SLC13A4: variants seen among roughly 807,000 people sequenced by gnomAD.
SLC13A4 encodes the protein solute carrier family 13 member 4, also known as Na(+)/sulfate cotransporter SUT-1.
SLC13A4 carries 28 observed loss-of-function variants against 72.7 expected under a neutral mutation model. The ratio of observed to expected loss-of-function variants is 0.39; its 90% CI spans 0.29 to 0.53. The LOEUF (loss-of-function observed/expected upper bound fraction) is 0.53, where lower values mean the gene tolerates loss of function less well. Among genes scored for constraint, SLC13A4 ranks in the 20% least tolerant of loss-of-function variants. SLC13A4 has a pLI of 0.78. For synonymous variants in SLC13A4, 312 were observed against 325.5 expected (o/e 0.96, Z 0.45); for missense variants, 653 against 788.0 (o/e 0.83, Z 2.05).
rs1178113649 is a variant in SLC13A4, at chr7:135,727,488, C to T, written c.9G>A (p.Leu3=). The change falls in exon 1 of 16, where the codon CTG becomes CTA. Residue 3 remains leucine, a synonymous_variant. Transcript: ENST00000682651. ...TCCGGACTCGGAGCAGGCCCTGCAGCAGGCCCATCGCGCCTCTGTCCTCTC... is the reference window on the plus strand; with the variant it reads ...TCCGGACTCGGAGCAGGCCCTGCAGTAGGCCCATCGCGCCTCTGTCCTCTC... MG[L]LQGLLRVRKL... The T allele has an allele frequency of 6.4e-7, 1 of 1,550,456 alleles. No individual in the cohort carries two copies. The highest frequency in any genetic ancestry group is 2.0e-5 in the Admixed American group (1 of 50,998).
chr7:135,718,218 T>C (rs547775495), intron 2 of SLC13A4, among the ~76,000 whole-genome samples: 2 of 151,966 alleles, frequency 1.3e-5, no homozygotes, highest in African/African-American at 4.8e-5. Context: ...TGACATTTTG[T>C]TTATTTTTGT....
chr7:135,718,446 T>G (rs1796478097), intron 2 of SLC13A4, among the ~76,000 whole-genome samples: 1 of 151,872 alleles, frequency 6.6e-6, no homozygotes, highest in African/African-American at 2.4e-5. Flanking sequence ...TGAGGGCTGA[T>G]GCAAACATGG....
intron 2 of SLC13A4, among the ~76,000 whole-genome samples, chr7:135,715,534 A>AGTGT (rs57337353): frequency 7.9e-5 from 12 of 151,650 alleles, no homozygotes; most frequent in African/African-American, 2.2e-4. Context: ...AGTGTGTGCC[A>AGTGT]GTGTGTGTGC....
chr7:135,687,863 T>C (rs1206820472), intron 13 of SLC13A4, among the ~76,000 whole-genome samples: 1 of 152,110 alleles, frequency 6.6e-6, no homozygotes, highest in Admixed American at 6.5e-5. Flanking sequence ...CAAGCTGGAG[T>C]GCAGTGGCAC....
intron 13 of SLC13A4, among the ~76,000 whole-genome samples, chr7:135,686,393 A>G (rs1315137538): frequency 6.6e-6 from 1 of 152,016 alleles, no homozygotes; most frequent in African/African-American, 2.4e-5. Context: ...AATTAAGAGG[A>G]GGGTCTTGCT....
rs138026320 is a variant in SLC13A4 at position 135,683,815 on chromosome 7, C to T, written c.1746+309G>A. ...TGTCTCCACTGGCCTAATGAAGAAA[C>T]GAAGGCAAAACTTGTTTGCACAGGC... On this transcript the variant is annotated intron_variant, in intron 15 of 15. Transcript: ENST00000682651. 1,266 of 983,612 alleles carry T rather than the reference C, an allele frequency of 1.3e-3. 2 individuals are homozygous for T. Among genetic ancestry groups the T allele is most frequent in the Admixed American group, 3.8e-3 (62 of 16,288 alleles). The allele number at this position is 983,612 out of a possible 1,614,324, so 60.9% of individuals were successfully genotyped here.
chr7:135,698,519 G>A (rs1795956874), intron 8 of SLC13A4, among the ~76,000 whole-genome samples: 2 of 148,742 alleles, frequency 1.3e-5, no homozygotes, highest in South Asian at 4.3e-4. Context: ...ATTTTTAGTA[G>A]AGATGGGGTT....
chr7:135,705,225 G>C (rs1247773494), intron 5 of SLC13A4: 2 of 184,404 alleles, frequency 1.1e-5, no homozygotes, highest in East Asian at 2.7e-4. Flanking sequence ...CAGTGGCATC[G>C]AGATGTGAAC....
chr7:135,725,977 A>G (rs569005867), intron 1 of SLC13A4, among the ~76,000 whole-genome samples: 10 of 152,210 alleles, frequency 6.6e-5, no homozygotes, highest in African/African-American at 2.2e-4. Flanking sequence ...TCTACAAAAA[A>G]AAGTTTGATG....
intron 13 of SLC13A4, among the ~76,000 whole-genome samples, chr7:135,689,341 G>A (rs1194732985): frequency 6.6e-6 from 1 of 152,194 alleles, no homozygotes; most frequent in Admixed American, 6.5e-5. Flanking sequence ...GTCCAGTAAT[G>A]ATGAACAGTT....
At chr7:135,687,067 A>G (rs1300606559) in intron 13 of SLC13A4, among the ~76,000 whole-genome samples, 1 of 152,174 alleles carries the variant, frequency 6.6e-6, no homozygotes, top group Non-Finnish European at 1.5e-5. Context: ...AAAAAAATAA[A>G]AAATAAATGA....
chr7:135,692,167 C>T, intron 11 of SLC13A4, 156 bp downstream of exon 11: 1 of 659,046 alleles, frequency 1.5e-6, no homozygotes, highest in South Asian at 1.8e-5. Flanking sequence ...GAGTGTTTTT[C>T]CTTCCTGATT....
chr7:135,696,080 G>C (rs961306235), intron 8 of SLC13A4, among the ~76,000 whole-genome samples: 1 of 152,224 alleles, frequency 6.6e-6, no homozygotes, highest in Non-Finnish European at 1.5e-5. Context: ...CCCAAGTGCT[G>C]TTTCCTGGGG....
At chr7:135,697,909 A>G (rs1795939556) in intron 8 of SLC13A4, among the ~76,000 whole-genome samples, 1 of 151,984 alleles carries the variant, frequency 6.6e-6, no homozygotes, top group Non-Finnish European at 1.5e-5. Context: ...TCAGGGAGGC[A>G]TTTCCTCCCT....
At chr7:135,708,334 A>C in intron 2 of SLC13A4, 84 bp from the exon 3 acceptor site, 1 of 1,557,854 alleles carries the variant, frequency 6.4e-7, no homozygotes, top group Non-Finnish European at 8.7e-7. Context: ...GGCCATACCC[A>C]ATAAAACCTG....
chr7:135,707,106 T>G (rs1265583484), intron 3 of SLC13A4, among the ~76,000 whole-genome samples: 1 of 152,250 alleles, frequency 6.6e-6, no homozygotes, highest in Non-Finnish European at 1.5e-5. Flanking sequence ...TGACAGCGAC[T>G]TGACTTTGCC....
intron 8 of SLC13A4, among the ~76,000 whole-genome samples, chr7:135,698,973 C>G (rs561783081): frequency 3.4e-4 from 51 of 152,170 alleles, no homozygotes; most frequent in African/African-American, 1.2e-3. Context: ...CACTGTCTTG[C>G]TCTATCGCTC....
chr7:135,715,085 GTA>G (rs1390246210), intron 2 of SLC13A4, among the ~76,000 whole-genome samples: 1 of 151,280 alleles, frequency 6.6e-6, no homozygotes, highest in Non-Finnish European at 1.5e-5. Flanking sequence ...TGATGTGTGT[GTA>G]TAAGTGTATG....
intron 9 of SLC13A4, 80 bp downstream of exon 9, chr7:135,695,288 G>C: frequency 1.3e-6 from 2 of 1,584,106 alleles, no homozygotes; most frequent in Non-Finnish European, 1.7e-6. Context: ...CCCTTGCACA[G>C]AGCCATCCAG....
Sources: allele counts gnomAD v4.1 joint callset (sites outside exome capture counted in the v4.1 genomes callset), GRCh38; gene constraint gnomAD v4.1.1; transcripts MANE v1.5; gene names NCBI Gene and HGNC (gene_info 2026-07-23, HGNC 2026-07-21).